DAW1: variants seen among roughly 807,000 people sequenced by gnomAD.
The protein encoded by DAW1 is dynein assembly factor with WD repeat domains 1.
A neutral mutation model predicts 56.5 loss-of-function variants in DAW1; 47 were observed. That is an observed-to-expected ratio of 0.83 (90% confidence interval 0.66 to 1.06). DAW1 has a LOEUF of 1.06. Ranked by LOEUF, DAW1 falls within the 50% of genes least tolerant of loss-of-function variation. DAW1 has a pLI of 0.00. For missense variants in DAW1, 505 were observed against 499.3 expected, an observed-to-expected ratio of 1.01 and a Z score of -0.11; for synonymous variants, 190 against 179.0, an observed-to-expected ratio of 1.06 and a Z score of -0.49.
rs112246174 is a variant in DAW1, at chr2:227,898,603, A to G, written c.540+322A>G. On this transcript the variant is annotated intron_variant, in intron 6 of 12. Transcript: ENST00000309931. ...CCAAAGTGCTGGGATTACAGGCGGG[A>G]CCCACTGCACCTGGCCTTATTATTA... 4.1e-3 allele frequency among the ~76,000 whole-genome samples: 626 copies of G among 152,232 alleles called. 6 individuals carry two copies. The highest frequency in any genetic ancestry group is 0.015 in the African/African-American group (608 of 41,540).
At chr2:227,899,060 T>C (rs781393358) in intron 6 of DAW1, among the ~76,000 whole-genome samples, 22 of 152,214 alleles carry the variant, frequency 1.4e-4, no homozygotes, top group Admixed American at 3.3e-4. Flanking sequence ...TGGGAAGCCC[T>C]TGTCCTTGAC....
Position 227,918,765 on chromosome 2 carries a change from A to G in DAW1, c.974-15A>G. The stretch of plus-strand genomic sequence containing the variant: ...TTAAGATGAATTTATATATATCCCC[A>G]CCCCTCTCAAAAAGGAACAGCAAGA... On this transcript the variant is annotated splice_polypyrimidine_tract_variant and intron_variant, in intron 10 of 12. Transcript: ENST00000309931. 1 of 1,613,762 alleles carries G rather than the reference A, an allele frequency of 6.2e-7. No individual in the cohort carries two copies.
intron 10 of DAW1, among the ~76,000 whole-genome samples, chr2:227,917,924 T>C (rs573188397): frequency 6.6e-6 from 1 of 152,342 alleles, no homozygotes; most frequent in South Asian, 2.1e-4. Flanking sequence ...TACAATTTTG[T>C]ATCCTTGCTA....
chr2:227,913,564 C>T (rs562500965), intron 10 of DAW1, among the ~76,000 whole-genome samples: 23 of 152,178 alleles, frequency 1.5e-4, no homozygotes, highest in African/African-American at 5.3e-4. Flanking sequence ...TCATGCATGT[C>T]GTCTCCTTGA....
intron 2 of DAW1, among the ~76,000 whole-genome samples, chr2:227,888,186 A>G (rs1192108590): frequency 6.6e-6 from 1 of 152,224 alleles, no homozygotes; most frequent in African/African-American, 2.4e-5. Context: ...GTGCTAAAGC[A>G]ATAGTACCAA....
At chr2:227,906,449 T>G in intron 9 of DAW1, 111 bp downstream of exon 9, 1 of 788,580 alleles carries the variant, frequency 1.3e-6, no homozygotes, top group Non-Finnish European at 1.8e-6. Flanking sequence ...AATTAAGATA[T>G]TAATTTACAA....
chr2:227,909,173 G>A (rs1691757771), intron 10 of DAW1, among the ~76,000 whole-genome samples: 1 of 151,124 alleles, frequency 6.6e-6, no homozygotes, highest in African/African-American at 2.4e-5. Context: ...TCATTGCCCT[G>A]GCCAACATGT....
intron 6 of DAW1, among the ~76,000 whole-genome samples, chr2:227,900,506 G>A (rs1275578799): frequency 6.6e-6 from 1 of 152,226 alleles, no homozygotes; most frequent in African/African-American, 2.4e-5. Context: ...TGTGTTGTAA[G>A]TGTCAGAAGT....
chr2:227,883,156 T>C (rs1480625988), intron 1 of DAW1, among the ~76,000 whole-genome samples: 1 of 152,194 alleles, frequency 6.6e-6, no homozygotes, highest in African/African-American at 2.4e-5. Flanking sequence ...AAATGAAGAA[T>C]GTGAGCCCAC....
At chr2:227,890,071 C>A (rs941613719) in intron 3 of DAW1, 71 bp downstream of exon 3, 10 of 1,398,904 alleles carry the variant, frequency 7.1e-6, no homozygotes, top group Non-Finnish European at 9.4e-6. Context: ...ATTTTTCTTT[C>A]CCTAAAAATA....
intron 10 of DAW1, among the ~76,000 whole-genome samples, chr2:227,907,668 C>T (rs1184303295): frequency 6.6e-6 from 1 of 152,192 alleles, no homozygotes; most frequent in Non-Finnish European, 1.5e-5. Context: ...CTGCCTCAGC[C>T]TCCCGAGTAG....
At chr2:227,921,675 T>C in intron 12 of DAW1, 114 bp downstream of exon 12, 1 of 1,149,620 alleles carries the variant, frequency 8.7e-7, no homozygotes, top group Non-Finnish European at 1.2e-6. Flanking sequence ...CTGGAGTCAC[T>C]AGCTCATCTT....
At chr2:227,880,029 A>T (rs958034536) in intron 1 of DAW1, among the ~76,000 whole-genome samples, 3 of 152,202 alleles carry the variant, frequency 2.0e-5, no homozygotes, top group African/African-American at 7.2e-5. Flanking sequence ...CGTAAATATG[A>T]CATCTTTACA....
At chr2:227,912,545 A>G in intron 10 of DAW1, 7 of 1,249,904 alleles carry the variant, frequency 5.6e-6, no homozygotes, top group Non-Finnish European at 7.3e-6. Flanking sequence ...TCTGTTTCAT[A>G]TCACTGGAGG....
chr2:227,881,376 C>T (rs1691005208), intron 1 of DAW1, among the ~76,000 whole-genome samples: 2 of 152,194 alleles, frequency 1.3e-5, no homozygotes, highest in South Asian at 4.1e-4. Flanking sequence ...CACAGGCCTG[C>T]TGTGCTTAAA....
In DAW1 at chr2:227,921,518, C is replaced by T. The variant is rs1404126531; in HGVS notation, c.1170C>T (p.Ile390=). 6.2e-7 allele frequency: 1 copy of T among 1,613,710 alleles called. No homozygotes were observed. Among genetic ancestry groups the T allele is most frequent in the African/African-American group, 1.3e-5 (1 of 74,818 alleles). The change falls in exon 12 of 13, where the codon ATC becomes ATT. Residue 390 remains isoleucine (I), a synonymous_variant. Coordinates refer to ENST00000309931, the MANE Select transcript of DAW1 (RefSeq NM_178821.3). ...LQVLEGHTDE[I]FSCAFNYKGN... ...TTCTTGAGGGGCACACTGATGAAAT[C>T]TTTTCATGTGCTTTCAACTATAAAG...
rs575966563 is a variant in DAW1, at chr2:227,879,263, C to A, written c.41-6088C>A. Among the ~76,000 whole-genome samples, 9 of 152,250 alleles carry A rather than the reference C, an allele frequency of 5.9e-5. No homozygotes were observed. The South Asian group carries it at 1.7e-3, about 28-fold the overall frequency. Reference sequence around the variant, plus strand: ...GTGGAATATTATCAGTCTTTGTAATCTTTGCTAATTTGATGGGTAAAACTT... The same window carrying A: ...GTGGAATATTATCAGTCTTTGTAATATTTGCTAATTTGATGGGTAAAACTT... On this transcript the variant is annotated intron_variant, in intron 1 of 12. Transcript: ENST00000309931.
chr2:227,917,776 A>G lies in DAW1; in HGVS notation c.974-1004A>G, dbSNP rs368893285. The stretch of plus-strand genomic sequence containing the variant: ...AATGTCCAACCGAATTTCAAGTTAT[A>G]TATTTTTTAATCACATTAATTCTAA... On this transcript the variant is annotated intron_variant, in intron 10 of 12. Coordinates refer to ENST00000309931, the MANE Select transcript of DAW1 (RefSeq NM_178821.3). Among the ~76,000 whole-genome samples, 4 of 152,218 alleles carry G rather than the reference A, an allele frequency of 2.6e-5. 1 individual carries two copies. The highest frequency in any genetic ancestry group is 9.6e-5 in the African/African-American group (4 of 41,532).
intron 6 of DAW1, among the ~76,000 whole-genome samples, chr2:227,899,840 G>T (rs755214678): frequency 2.6e-5 from 4 of 152,204 alleles, no homozygotes; most frequent in African/African-American, 7.2e-5. Flanking sequence ...ACTGTGAAAT[G>T]CTTGGAAATA....
Sources: gnomAD v4.1 joint callset for allele counts (sites outside exome capture counted in the v4.1 genomes callset) on GRCh38, gnomAD v4.1.1 for gene constraint, MANE v1.5 for transcripts, NCBI Gene and HGNC (gene_info 2026-07-23, HGNC 2026-07-21) for gene names.